The following APOB variants were observed in gnomAD, a reference collection of about 807,000 sequenced individuals.
The protein encoded by APOB is apolipoprotein B.
Under a neutral mutation model 314.1 loss-of-function variants are expected in APOB, and 153 were observed. The observed-to-expected ratio is 0.49, with a 90% confidence interval of 0.43 to 0.56. The LOEUF (loss-of-function observed/expected upper bound fraction) is 0.56, where lower values mean the gene tolerates loss of function less well. Ranked by LOEUF, APOB falls within the 20% of genes least tolerant of loss-of-function variation. APOB has a pLI of 0.00. For missense variants in APOB, 5,430 were observed against 5,350.7 expected (o/e 1.01, Z -0.46); for synonymous variants, 2,087 against 2,036.4 (o/e 1.02, Z -0.67).
Position 21,032,401 on chromosome 2 carries a change from A to G in APOB, c.1305T>C (p.Asp435=), listed in dbSNP as rs762687581. The G allele has an allele frequency of 3.7e-6, 6 of 1,613,906 alleles. No individual in the cohort carries two copies. The highest frequency in any genetic ancestry group is 5.1e-6 in the Non-Finnish European group (6 of 1,180,048). Residue 435 remains aspartate, a synonymous_variant, in exon 10 of 29, where the codon GAT becomes GAC. Coordinates refer to ENST00000233242, the MANE Select transcript of APOB (RefSeq NM_000384.3). ...QLREIFNMAR[D]QRSRATLYAL... is the part of the protein sequence containing the mutation. Reference sequence around the variant, plus strand: ...CATACAAGGTGGCTCGGCTGCGCTGATCCCTCGCCATGTTGAAGATCTCTC... The same window carrying G: ...CATACAAGGTGGCTCGGCTGCGCTGGTCCCTCGCCATGTTGAAGATCTCTC...
At position 21,026,888 on chromosome 2, in the gene APOB, A is replaced by C. The variant is rs1663743872; in HGVS notation, c.2144T>G (p.Val715Gly). ...FGKQGFFPDS[V>G]NKALYWVNGQ... Reference sequence around the variant, plus strand: ...ATTAACCCAGTACAAAGCTTTGTTGACACTGTCTGGGAAAAATCCTTGCTT... The same window carrying C: ...ATTAACCCAGTACAAAGCTTTGTTGCCACTGTCTGGGAAAAATCCTTGCTT... Residue 715 changes from valine (V) to glycine (G), a missense_variant, in exon 15 of 29, where the codon GTC becomes GGC. Around this residue, in one of 3 missense-constraint regions of APOB, gnomAD observed 2,085 missense variants for 2,079.7 expected, o/e 1.00. Transcript: ENST00000233242. 39 of 1,614,040 alleles carry C rather than the reference A, an allele frequency of 2.4e-5. No homozygotes were observed. The highest frequency in any genetic ancestry group is 3.3e-5 in the Non-Finnish European group (39 of 1,180,004).
At chr2:21,036,745 C>T (rs1664012675) in intron 6 of APOB, among the ~76,000 whole-genome samples, 1 of 152,140 alleles carries the variant, frequency 6.6e-6, no homozygotes, top group African/African-American at 2.4e-5. Context: ...CAGAAAAGAA[C>T]AGAAGGTGGT....
At chr2:21,021,736 T>C (rs1663610529) in intron 18 of APOB, among the ~76,000 whole-genome samples, 1 of 152,220 alleles carries the variant, frequency 6.6e-6, no homozygotes, top group African/African-American at 2.4e-5. Context: ...TCCTCAGTTA[T>C]CAGGTCAAGT....
rs200533347 is a variant in APOB, at chr2:21,027,916, A to G, written c.1979T>C (p.Ile660Thr). The G allele has an allele frequency of 6.2e-7, 1 of 1,614,222 alleles. No individual in the cohort carries two copies. Among genetic ancestry groups the G allele is most frequent in the Non-Finnish European group, 8.5e-7 (1 of 1,180,026 alleles). ...AGGAAGGTAGTTATTTGGATCAAAT[A>G]TAAGATTCCCTTCTATTTTGGCTGA... ...PASAKIEGNL[I>T]FDPNNYLPKE... Residue 660 changes from isoleucine to threonine, a missense_variant, in exon 14 of 29, where the codon ATA becomes ACA. This residue lies in a region of APOB where 2,085 missense variants were observed against 2,079.7 expected (regional missense o/e 1.00). Coordinates refer to ENST00000233242, the MANE Select transcript of APOB (RefSeq NM_000384.3).
In APOB at chr2:21,008,167, A is replaced by G; in HGVS notation, c.8701T>C (p.Ser2901Pro). Reference protein sequence around the residue: ...HKLNIPKLDFSSQADLRNEIK... With the variant: ...HKLNIPKLDFPSQADLRNEIK... ...TCGTTGCGCAGGTCAGCCTGACTAG[A>G]GAAGTCCAGTTTGGGGATGTTCAAT... is the stretch of plus-strand genomic sequence containing the variant. Residue 2901 changes from serine to proline, a missense_variant, in exon 26 of 29, where the codon TCT becomes CCT. Coordinates refer to ENST00000233242, the MANE Select transcript of APOB (RefSeq NM_000384.3). The G allele has an allele frequency of 6.2e-7, 1 of 1,614,048 alleles. No individual in the cohort carries two copies. The highest frequency in any genetic ancestry group is 1.1e-5 in the South Asian group (1 of 91,080).
intron 1 of APOB, 130 bp from the exon 2 acceptor site, chr2:21,043,681 A>T: frequency 6.7e-7 from 1 of 1,495,074 alleles, no homozygotes. Flanking sequence ...CCCCCTCCTC[A>T]GCCCCTCCAT....
At position 21,037,969 on chromosome 2, in the gene APOB, C is replaced by T. The variant is rs984140760; in HGVS notation, c.526G>A (p.Val176Met). Residue 176 changes from valine (V) to methionine (M), a missense_variant, in exon 5 of 29, where the codon GTG becomes ATG. Val to Met is a conservative substitution (Grantham distance 21). Transcript: ENST00000233242. Reference sequence around the variant, plus strand: ...TTCTAAATCCTCACCAGAAACAACACTTGCTTGGCTTCTTCTGTCTCTGGG... The same window carrying T: ...TTCTAAATCCTCACCAGAAACAACATTTGCTTGGCTTCTTCTGTCTCTGGG... ...VPPETEEAKQ[V>M]LFLDTVYGNC... The T allele has an allele frequency of 6.2e-7, 1 of 1,614,216 alleles. No individual in the cohort carries two copies. The highest frequency in any genetic ancestry group is 2.2e-5 in the East Asian group (1 of 44,878).
intron 20 of APOB, among the ~76,000 whole-genome samples, chr2:21,018,254 A>G (rs1663523423): frequency 6.6e-6 from 1 of 152,172 alleles, no homozygotes. Flanking sequence ...GATAACCTAC[A>G]TATTAGTTTC....
intron 20 of APOB, among the ~76,000 whole-genome samples, chr2:21,017,801 A>G (rs1387410667): frequency 6.6e-6 from 1 of 152,162 alleles, no homozygotes; most frequent in Non-Finnish European, 1.5e-5. Flanking sequence ...TTTACCAAAC[A>G]CTATTTCCCC....
At chr2:21,039,612 ATACAT>A (rs1221953020) in intron 4 of APOB, among the ~76,000 whole-genome samples, 1 of 152,264 alleles carries the variant, frequency 6.6e-6, no homozygotes, top group Non-Finnish European at 1.5e-5. Context: ...TCTGATCACC[ATACAT>A]TACATGTATC....
chr2:21,030,455 G>T (rs564961148), intron 10 of APOB, among the ~76,000 whole-genome samples: 1 of 152,214 alleles, frequency 6.6e-6, no homozygotes, highest in African/African-American at 2.4e-5. Context: ...ATCAACTCAA[G>T]ATGGATCAAA....
At position 21,043,851 on chromosome 2, in the gene APOB, G is replaced by C. The variant is rs753886100; in HGVS notation, c.82+13C>G. 6.6e-7 allele frequency: 1 copy of C among 1,524,298 alleles called. No individual in the cohort carries two copies. Among genetic ancestry groups the C allele is most frequent in the South Asian group, 1.2e-5 (1 of 83,162 alleles). The allele number at this position is 1,524,298 out of a possible 1,614,324, so 94.4% of individuals were successfully genotyped here. On this transcript the variant is annotated intron_variant, in intron 1 of 28. Transcript: ENST00000233242. ...CCGCTCCCTCTGCGCCCGCAGAGCGGCCGCGCACTCACCGGCCCTGGCGCC... is the reference window on the plus strand; with the variant it reads ...CCGCTCCCTCTGCGCCCGCAGAGCGCCCGCGCACTCACCGGCCCTGGCGCC...
intron 10 of APOB, 119 bp downstream of exon 10, chr2:21,032,235 A>T: frequency 1.1e-6 from 1 of 893,998 alleles, no homozygotes; most frequent in Non-Finnish European, 1.8e-6. Flanking sequence ...AAGAAAAAAC[A>T]CAAGAGTAAG....
chr2:21,040,037 T>A (rs1261219751), intron 4 of APOB, among the ~76,000 whole-genome samples: 1 of 152,126 alleles, frequency 6.6e-6, no homozygotes, highest in Non-Finnish European at 1.5e-5. Flanking sequence ...GGGGAGGTGA[T>A]TGAATCATGG....
At position 21,009,470 on chromosome 2, in the gene APOB, TA is replaced by T; in HGVS notation, c.7397del (p.Leu2466Ter). The T allele has an allele frequency of 6.2e-7, 1 of 1,614,150 alleles. No individual in the cohort carries two copies. Among genetic ancestry groups the T allele is most frequent in the Non-Finnish European group, 8.5e-7 (1 of 1,179,986 alleles). ...CCTTGGTTTCCTCTAAAAACAGTTT[TA>T]ATGCTTCAGCTTTTTGTGGTAGTTC... ...ALELPQKAEA[L>X]KLFLEETKAT... On this transcript the variant is annotated frameshift_variant, in exon 26 of 29. Coordinates refer to ENST00000233242, the MANE Select transcript of APOB (RefSeq NM_000384.3). LOFTEE classifies it high-confidence loss of function.
rs532345151 is a variant in APOB at position 21,010,392 on chromosome 2, G to A, written c.6476C>T (p.Ala2159Val). 1 of 1,591,316 alleles carries A rather than the reference G, an allele frequency of 6.3e-7. No homozygotes were observed. Among genetic ancestry groups the A allele is most frequent in the African/African-American group, 1.3e-5 (1 of 74,218 alleles). ...YRITENDIQI[A>V]LDDAKINFNE... ...AAAGTTGATTTTGGCATCATCTAAT[G>A]CAATTTGTATATCATTTTCTGTAAT... The change falls in exon 26 of 29, where the codon GCA becomes GTA. Residue 2159 changes from alanine (A) to valine (V), a missense_variant. Physicochemically the swap from Ala to Val is moderately conservative, Grantham distance 64. Around this residue, in one of 3 missense-constraint regions of APOB, gnomAD observed 3,281 missense variants for 3,171.0 expected, o/e 1.03. Coordinates refer to ENST00000233242, the MANE Select transcript of APOB (RefSeq NM_000384.3).
intron 3 of APOB, among the ~76,000 whole-genome samples, chr2:21,041,896 G>T (rs915142086): frequency 1.3e-5 from 2 of 152,120 alleles, no homozygotes; most frequent in Non-Finnish European, 2.9e-5. Flanking sequence ...TCAATAATAA[G>T]CAAAGTTTTA....
rs768375513 is a variant in APOB, at chr2:21,016,608, G to A, written c.3163C>T (p.Arg1055Trp). Residue 1055 changes from arginine to tryptophan, a missense_variant, in exon 21 of 29, where the codon CGG becomes TGG. This residue lies in a region of APOB where 2,085 missense variants were observed against 2,079.7 expected (regional missense o/e 1.00). Coordinates refer to ENST00000233242, the MANE Select transcript of APOB (RefSeq NM_000384.3). ...TEATMTFKYN[R>W]QSMTLSSEVQ... ...TCACTGGACAAGGTCATACTCTGCCGATTATATTTGAATGTCATGGTAGCC... is the reference window on the plus strand; with the variant it reads ...TCACTGGACAAGGTCATACTCTGCCAATTATATTTGAATGTCATGGTAGCC... 10 of 1,611,608 alleles carry A rather than the reference G, an allele frequency of 6.2e-6. No homozygotes were observed. In the East Asian group the frequency reaches 1.1e-4, roughly 18 times the overall value.
rs764415047 is a variant in APOB, at chr2:21,023,709, G to A, written c.2437-17C>T. 1.1e-5 allele frequency: 17 copies of A among 1,577,116 alleles called. No individual in the cohort carries two copies. The highest frequency in any genetic ancestry group is 1.4e-5 in the Non-Finnish European group (16 of 1,160,374). On this transcript the variant is annotated splice_polypyrimidine_tract_variant and intron_variant, in intron 16 of 28. Transcript: ENST00000233242. ...CTCTCCAATCTGTAGACCCAACAAG[G>A]GAGAGCAAATAAAAGTAAGTCTTTT... is the stretch of plus-strand genomic sequence containing the variant.
Sources: allele counts gnomAD v4.1 joint callset (sites outside exome capture counted in the v4.1 genomes callset), GRCh38; gene constraint gnomAD v4.1.1; regional missense constraint gnomAD v4.1.1; transcripts MANE v1.5; gene names NCBI Gene and HGNC (gene_info 2026-07-23, HGNC 2026-07-21).